The following EBF2 variants were observed in gnomAD, a reference collection of about 807,000 sequenced individuals.
EBF2 encodes EBF transcription factor 2, also known as transcription factor COE2.
EBF2 carries 21 observed loss-of-function variants against 72.8 expected under a neutral mutation model. That is an observed-to-expected ratio of 0.29 (90% CI 0.20 to 0.42). EBF2 has a LOEUF of 0.42. EBF2 is among the 10% of genes least tolerant of loss of function. The probability of loss-of-function intolerance (pLI) is 1.00; values close to 1 mark genes in which losing one functional copy is unlikely to be tolerated. For missense variants in EBF2, 637 were observed against 731.2 expected, an observed-to-expected ratio of 0.87 and a Z score of 1.49; for synonymous variants, 299 against 274.2, an observed-to-expected ratio of 1.09 and a Z score of -0.89.
chr8:26,005,817 C>T (rs1428476854), intron 6 of EBF2, among the ~76,000 whole-genome samples: 1 of 113,056 alleles, frequency 8.8e-6, no homozygotes, highest in African/African-American at 3.5e-5. Context: ...AGCAACAGAG[C>T]AAGACCAAGT....
chr8:25,938,108 G>A (rs1803609184), intron 6 of EBF2, among the ~76,000 whole-genome samples: 1 of 152,180 alleles, frequency 6.6e-6, no homozygotes, highest in Non-Finnish European at 1.5e-5. Flanking sequence ...TCGCTGGGGT[G>A]TCGTGGGATT....
At chr8:25,927,721 C>G (rs1803409105) in intron 6 of EBF2, among the ~76,000 whole-genome samples, 1 of 152,118 alleles carries the variant, frequency 6.6e-6, no homozygotes, top group African/African-American at 2.4e-5. Flanking sequence ...TTAGAACACT[C>G]TTATTTGTAT....
chr8:25,904,580 T>C (rs976341893), intron 7 of EBF2, among the ~76,000 whole-genome samples: 2 of 152,188 alleles, frequency 1.3e-5, no homozygotes, highest in African/African-American at 4.8e-5. Context: ...AAGTAGAGAA[T>C]TGAAGGAATT....
At chr8:25,872,898 A>G (rs1374893049) in intron 10 of EBF2, among the ~76,000 whole-genome samples, 3 of 152,244 alleles carry the variant, frequency 2.0e-5, no homozygotes, top group African/African-American at 4.8e-5. Flanking sequence ...AGGAATTTAG[A>G]TAACACAGAC....
At chr8:25,881,232 G>A (rs1428877855) in intron 10 of EBF2, among the ~76,000 whole-genome samples, 3 of 152,118 alleles carry the variant, frequency 2.0e-5, no homozygotes, top group Non-Finnish European at 4.4e-5. Flanking sequence ...GCTTGAGGAA[G>A]AGCTGAAAAA....
chr8:25,865,737 T>G (rs1375544799), intron 10 of EBF2, among the ~76,000 whole-genome samples: 2 of 149,508 alleles, frequency 1.3e-5, no homozygotes, highest in African/African-American at 4.9e-5. Context: ...ATAAAAGATC[T>G]TAACCAGGCC....
At chr8:25,872,865 A>G (rs901325502) in intron 10 of EBF2, among the ~76,000 whole-genome samples, 1 of 152,248 alleles carries the variant, frequency 6.6e-6, no homozygotes, top group Non-Finnish European at 1.5e-5. Flanking sequence ...GTAGGAAGGC[A>G]TGAAACACAA....
chr8:25,900,746 T>A (rs1162620207), intron 7 of EBF2, among the ~76,000 whole-genome samples: 2 of 151,916 alleles, frequency 1.3e-5, no homozygotes, highest in Non-Finnish European at 2.9e-5. Context: ...AAAACTAACC[T>A]GCACATTGTG....
At chr8:25,927,109 T>G (rs1267762904) in intron 6 of EBF2, among the ~76,000 whole-genome samples, 1 of 152,136 alleles carries the variant, frequency 6.6e-6, no homozygotes, top group Non-Finnish European at 1.5e-5. Context: ...CTTGATAATG[T>G]GGATGGGTCT....
intron 6 of EBF2, among the ~76,000 whole-genome samples, chr8:25,969,457 C>G (rs1045111889): frequency 6.6e-6 from 1 of 152,202 alleles, no homozygotes; most frequent in Non-Finnish European, 1.5e-5. Context: ...CCTGCTGACG[C>G]TTCTGAGTTC....
chr8:25,875,687 G>C (rs1225883423), intron 10 of EBF2, among the ~76,000 whole-genome samples: 3 of 152,216 alleles, frequency 2.0e-5, no homozygotes, highest in Non-Finnish European at 4.4e-5. Context: ...TGTGTTCACA[G>C]TGAAAGGACC....
intron 6 of EBF2, among the ~76,000 whole-genome samples, chr8:26,007,353 G>A (rs769628701): frequency 3.3e-5 from 5 of 152,114 alleles, no homozygotes; most frequent in African/African-American, 9.7e-5. Flanking sequence ...TTCATGAAAC[G>A]TGAATCACTT....
At chr8:26,030,920 C>A (rs1805391118) in intron 6 of EBF2, among the ~76,000 whole-genome samples, 1 of 152,190 alleles carries the variant, frequency 6.6e-6, no homozygotes, top group African/African-American at 2.4e-5. Context: ...CACAAAGATA[C>A]TTTCTTTTGT....
In EBF2 at chr8:26,009,086, A is replaced by G. The variant is rs371058084; in HGVS notation, c.551+23999T>C. Among the ~76,000 whole-genome samples, 6 of 115,556 alleles carry G rather than the reference A, an allele frequency of 5.2e-5. No homozygotes were observed. The South Asian group carries it at 1.6e-3, about 31-fold the overall frequency. The allele number at this position is 115,556 out of a possible 152,430, so 75.8% of individuals were successfully genotyped here. On this transcript the variant is annotated intron_variant, in intron 6 of 15. Transcript: ENST00000520164. ...GAAAATTTCAAGTTGAGCCATTTTT[A>G]AGTTATCCATGAGTAAAAGCGAAAA... is the stretch of plus-strand genomic sequence containing the variant.
intron 6 of EBF2, among the ~76,000 whole-genome samples, chr8:25,988,409 C>T (rs186224741): frequency 1.3e-4 from 20 of 152,290 alleles, no homozygotes; most frequent in East Asian, 3.9e-4. Flanking sequence ...AGTCCATATA[C>T]GCAAATATGA....
intron 5 of EBF2, among the ~76,000 whole-genome samples, chr8:26,038,435 TGTCA>T (rs1036453397): frequency 1.3e-5 from 2 of 152,168 alleles, no homozygotes; most frequent in African/African-American, 4.8e-5. Flanking sequence ...AAAATAAAAA[TGTCA>T]GTCTTAACTA....
intron 10 of EBF2, among the ~76,000 whole-genome samples, chr8:25,863,871 A>G (rs1325578970): frequency 6.6e-6 from 1 of 152,168 alleles, no homozygotes; most frequent in Non-Finnish European, 1.5e-5. Context: ...AAAATTATTC[A>G]GAGACATACC....
At chr8:25,943,329 A>G (rs1049817058) in intron 6 of EBF2, among the ~76,000 whole-genome samples, 7 of 147,702 alleles carry the variant, frequency 4.7e-5, no homozygotes, top group African/African-American at 1.0e-4. Flanking sequence ...AAAAAAAAAA[A>G]AAAAGAAAGA....
chr8:26,034,892 G>C (rs189434441), intron 5 of EBF2, among the ~76,000 whole-genome samples: 2 of 152,190 alleles, frequency 1.3e-5, no homozygotes, highest in Admixed American at 6.5e-5. Context: ...GGGAATCAGC[G>C]TTCTGGTGTC....
Sources: allele counts gnomAD v4.1 joint callset (sites outside exome capture counted in the v4.1 genomes callset), GRCh38; gene constraint gnomAD v4.1.1; transcripts MANE v1.5; gene names NCBI Gene and HGNC (gene_info 2026-07-23, HGNC 2026-07-21).